URB1: variants seen among roughly 807,000 people sequenced by gnomAD.
URB1 encodes URB1 ribosome biogenesis factor.
Under a neutral mutation model 242.3 loss-of-function variants are expected in URB1, and 197 were observed. The observed-to-expected ratio is 0.81, with a 90% CI of 0.72 to 0.91. The LOEUF (loss-of-function observed/expected upper bound fraction) is 0.91, where lower values mean the gene tolerates loss of function less well. Ranked by LOEUF, URB1 falls within the 40% of genes least tolerant of loss-of-function variation. The pLI is 0.00. For synonymous variants in URB1, 1,153 were observed against 1,201.8 expected, an observed-to-expected ratio of 0.96 and a Z score of 0.84; for missense variants, 2,721 against 2,860.5, an observed-to-expected ratio of 0.95 and a Z score of 1.11.
In URB1 at chr21:32,359,662, T is replaced by C. The variant is rs1035709370; in HGVS notation, c.1869+134A>G. 6.6e-6 allele frequency: 5 copies of C among 755,856 alleles called. No individual in the cohort carries two copies. The Admixed American group carries it at 1.8e-4, about 27-fold the overall frequency. 46.8% of individuals were successfully genotyped at this position (755,856 alleles called of 1,614,324 possible). A position where few individuals can be genotyped will look rare whatever the true frequency, so the allele number is the denominator to read the frequency against. On this transcript the variant is annotated intron_variant, in intron 14 of 38. Transcript: ENST00000382751. The stretch of plus-strand genomic sequence containing the variant: ...AATCAGGACCTCTGCTGTGGGTCTC[T>C]CTAAAATGAGAACTGTTAACCTCTT...
chr21:32,311,665 C>T lies in URB1; in HGVS notation c.*3253G>A. 3 of 1,613,156 alleles carry T rather than the reference C, an allele frequency of 1.9e-6. No individual in the cohort carries two copies. The highest frequency in any genetic ancestry group is 1.7e-6 in the Non-Finnish European group (2 of 1,179,588). ...TGCAGCAACTATGATGCCTGCCTCC[C>T]ACTCTGCTCTGTTCACAGGAACAGC... On this transcript the variant is annotated 3_prime_UTR_variant, in exon 39 of 39. Transcript: ENST00000382751.
chr21:32,363,220 G>A lies in URB1; in HGVS notation c.1445C>T (p.Ser482Leu), dbSNP rs1248085195. ...CATCATCACAGCTGTGTACACGCCT[G>A]ATTCCTGCCACACCTCTTTATTCAG... is the stretch of plus-strand genomic sequence containing the variant. ...HCLNKEVWQESGVYTAVMMEE... is the reference protein window; with the variant it reads ...HCLNKEVWQELGVYTAVMMEE... The change falls in exon 11 of 39, where the codon TCA becomes TTA. Residue 482 changes from serine to leucine, a missense_variant. Ser to Leu is a moderately radical substitution (Grantham distance 145, BLOSUM62 -2). Coordinates refer to ENST00000382751, the MANE Select transcript of URB1 (RefSeq NM_014825.3). The A allele has an allele frequency of 1.3e-6, 2 of 1,552,078 alleles. No homozygotes were observed. The highest frequency in any genetic ancestry group is 2.0e-5 in the Admixed American group (1 of 51,010).
At chr21:32,353,298 T>C (rs2033180209) in intron 18 of URB1, among the ~76,000 whole-genome samples, 1 of 152,110 alleles carries the variant, frequency 6.6e-6, no homozygotes, top group African/African-American at 2.4e-5. Flanking sequence ...ACCCCTTGCT[T>C]GACTGTCCAC....
intron 30 of URB1, among the ~76,000 whole-genome samples, chr21:32,330,006 G>A (rs2032874867): frequency 6.6e-6 from 1 of 152,158 alleles, no homozygotes; most frequent in African/African-American, 2.4e-5. Flanking sequence ...CTCACTGGTG[G>A]TGTCACCACT....
intron 14 of URB1, among the ~76,000 whole-genome samples, chr21:32,359,561 A>G (rs1005185622): frequency 1.3e-5 from 2 of 152,246 alleles, no homozygotes; most frequent in African/African-American, 4.8e-5. Context: ...TGGACCCAGC[A>G]ATGTATCTGC....
At position 32,334,347 on chromosome 21, in the gene URB1, A is replaced by G. The variant is rs1476170361; in HGVS notation, c.4686-13T>C. 1 of 1,536,560 alleles carries G rather than the reference A, an allele frequency of 6.5e-7. No individual in the cohort carries two copies. Among genetic ancestry groups the G allele is most frequent in the Non-Finnish European group, 8.8e-7 (1 of 1,136,832 alleles). On this transcript the variant is annotated splice_polypyrimidine_tract_variant and intron_variant, in intron 28 of 38. Transcript: ENST00000382751. ...CCACAGCAGCACCCTAGAGCCAGAA[A>G]AGGGAAAAGAGACTGGTCACAGAGC...
chr21:32,369,521 G>A (rs889480460), intron 8 of URB1, among the ~76,000 whole-genome samples: 5 of 152,020 alleles, frequency 3.3e-5, no homozygotes, highest in Admixed American at 1.3e-4. Context: ...ATGCAGTGGC[G>A]TGACCATAGC....
intron 25 of URB1, among the ~76,000 whole-genome samples, chr21:32,339,304 T>C (rs1315267477): frequency 6.6e-6 from 1 of 151,716 alleles, no homozygotes; most frequent in African/African-American, 2.4e-5. Flanking sequence ...ATTTTCTCAG[T>C]ATTTTATTAA....
chr21:32,342,639 C>T (rs1301063351), intron 24 of URB1, among the ~76,000 whole-genome samples: 1 of 140,136 alleles, frequency 7.1e-6, no homozygotes, highest in South Asian at 2.5e-4. Flanking sequence ...CTGGTGGTCT[C>T]CTGCTCCAGG....
intron 8 of URB1, among the ~76,000 whole-genome samples, chr21:32,370,095 G>C (rs2033391070): frequency 6.6e-6 from 1 of 151,932 alleles, no homozygotes; most frequent in African/African-American, 2.4e-5. Flanking sequence ...GGCTTCATCT[G>C]CTTCAAAGTC....
Position 32,334,243 on chromosome 21 carries a change from T to C in URB1, c.4777A>G (p.Ile1593Val). 1.3e-6 allele frequency: 2 copies of C among 1,551,464 alleles called. No individual in the cohort carries two copies. Among genetic ancestry groups the C allele is most frequent in the Non-Finnish European group, 1.7e-6 (2 of 1,146,944 alleles). The change falls in exon 29 of 39, where the codon ATC becomes GTC. Residue 1593 changes from isoleucine to valine, a missense_variant. Coordinates refer to ENST00000382751, the MANE Select transcript of URB1 (RefSeq NM_014825.3). Reference sequence around the variant, plus strand: ...CGGTCCCGGTCCAGCAGGCGAAGGATGTCCCCGACACTCGGCTGCTGCCAC... The same window carrying C: ...CGGTCCCGGTCCAGCAGGCGAAGGACGTCCCCGACACTCGGCTGCTGCCAC... The part of the protein sequence containing the change: ...SLWQQPSVGD[I>V]LRLLDRDRMM...
chr21:32,372,419 C>A, intron 8 of URB1, 88 bp downstream of exon 8: 1 of 1,450,836 alleles, frequency 6.9e-7, no homozygotes, highest in Admixed American at 2.5e-5. Context: ...CTAGTTCTAA[C>A]CTACTACAGT....
chr21:32,317,731 C>A lies in URB1; in HGVS notation c.5979G>T (p.Lys1993Asn). Reference protein sequence around the residue: ...HKWSLIERDLKLQEDLRAAIE... With the variant: ...HKWSLIERDLNLQEDLRAAIE... Reference sequence around the variant, plus strand: ...TGGCTGCTCTCAGGTCTTCCTGGAGCTTGAGGTCTCTTTCAATGAGGCTCC... The same window carrying A: ...TGGCTGCTCTCAGGTCTTCCTGGAGATTGAGGTCTCTTTCAATGAGGCTCC... Residue 1993 changes from lysine (K) to asparagine (N), a missense_variant, in exon 37 of 39, where the codon AAG (lysine) becomes AAT (asparagine). Transcript: ENST00000382751. 1 of 1,551,808 alleles carries A rather than the reference C, an allele frequency of 6.4e-7. No homozygotes were observed. The highest frequency in any genetic ancestry group is 8.7e-7 in the Non-Finnish European group (1 of 1,147,018).
rs372856539 is a variant in URB1, at chr21:32,353,891, C to T, written c.2416+42G>A. On this transcript the variant is annotated intron_variant, in intron 18 of 38. Coordinates refer to ENST00000382751, the MANE Select transcript of URB1 (RefSeq NM_014825.3). ...CCACCTCCCACCCTGCACAGACTAG[C>T]CGGCCAGGTGCAGCCAAGACATCCT... 1,257 of 1,541,362 alleles carry T rather than the reference C, an allele frequency of 8.2e-4. 1 individual carries two copies. Among genetic ancestry groups the T allele is most frequent in the Non-Finnish European group, 9.9e-4 (1,126 of 1,142,050 alleles).
chr21:32,316,467 T>C lies in URB1; in HGVS notation c.6633A>G (p.Gln2211=), dbSNP rs1454061615. The C allele has an allele frequency of 6.6e-7, 1 of 1,513,318 alleles. No individual in the cohort carries two copies. Among genetic ancestry groups the C allele is most frequent in the Admixed American group, 2.2e-5 (1 of 44,830 alleles). 93.7% of individuals were successfully genotyped at this position (1,513,318 alleles called of 1,614,324 possible). A position where few individuals can be genotyped will look rare whatever the true frequency, so the allele number is the denominator to read the frequency against. The part of the protein sequence containing the change: ...SSLSEKDEAT[Q]ASAAFLVSLY... ...CTCCAACAAAAGAACCAGCCTTACC[T>C]TGTGTGGCTTCATCCTTCTCACTCA... The change falls in exon 38 of 39, where the codon CAA becomes CAG. Residue 2211 remains glutamine, a splice_region_variant and synonymous_variant. Transcript: ENST00000382751.
At chr21:32,322,727 CTT>C (rs2032782495) in intron 32 of URB1, 143 bp from the exon 33 acceptor site, 1 of 646,570 alleles carries the variant, frequency 1.5e-6, no homozygotes, top group Non-Finnish European at 2.8e-6. Context: ...AGGACTGGCT[CTT>C]GAGAATGAGA....
Position 32,352,921 on chromosome 21 carries a change from G to GA in URB1, c.2417-16dup, listed in dbSNP as rs1373407570. 2 of 1,528,848 alleles carry GA rather than the reference G, an allele frequency of 1.3e-6. No individual in the cohort carries two copies. The highest frequency in any genetic ancestry group is 2.5e-5 in the East Asian group (1 of 40,722). The allele number at this position is 1,528,848 out of a possible 1,614,324, so 94.7% of individuals were successfully genotyped here. ...AACGTTTTCCGCTGCAAAGGAACGA[G>GA]ATGCATATGGGAAGAGGCTGGCTGG... On this transcript the variant is annotated splice_polypyrimidine_tract_variant and intron_variant, in intron 18 of 38. Coordinates refer to ENST00000382751, the MANE Select transcript of URB1 (RefSeq NM_014825.3).
At chr21:32,354,817 G>C (rs745743936) in intron 17 of URB1, 42 bp downstream of exon 17, 21 of 1,533,706 alleles carry the variant, frequency 1.4e-5, no homozygotes, top group Admixed American at 4.0e-5. Context: ...CTGTGGCTTG[G>C]TCTTCAGACC....
In URB1 at chr21:32,357,570, T is replaced by C; in HGVS notation, c.1956A>G (p.Gln652=). 1.3e-6 allele frequency: 2 copies of C among 1,531,714 alleles called. No individual in the cohort carries two copies. The highest frequency in any genetic ancestry group is 2.2e-5 in the Admixed American group (1 of 45,844). The allele number at this position is 1,531,714 out of a possible 1,614,324, so 94.9% of individuals were successfully genotyped here. ...MKMFVTSSHL[Q]LKSLTKLLIM... is the part of the protein sequence containing the mutation. ...TCAGAAGTTTGGTCAATGACTTCAG[T>C]TGTAAATGGCTACTGGTCACAAACA... is the stretch of plus-strand genomic sequence containing the variant. Residue 652 remains glutamine, a synonymous_variant, in exon 15 of 39, where the codon CAA becomes CAG. Coordinates refer to ENST00000382751, the MANE Select transcript of URB1 (RefSeq NM_014825.3).
Sources: allele counts gnomAD v4.1 joint callset (sites outside exome capture counted in the v4.1 genomes callset), GRCh38; gene constraint gnomAD v4.1.1; transcripts MANE v1.5; gene names NCBI Gene and HGNC (gene_info 2026-07-23, HGNC 2026-07-21).